Variants in COL14A1 observed in about 807,000 individuals in gnomAD.
COL14A1 encodes the protein collagen alpha-1(XIV) chain.
A neutral mutation model predicts 230.3 loss-of-function variants in COL14A1; 136 were observed. The ratio of observed to expected loss-of-function variants is 0.59; its 90% CI spans 0.51 to 0.68. COL14A1 has a LOEUF of 0.68. Among genes scored for constraint, COL14A1 ranks in the 30% least tolerant of loss-of-function variants. The pLI is 0.00. For synonymous variants in COL14A1, 792 were observed against 784.1 expected (o/e 1.01, Z -0.17); for missense variants, 1,976 against 2,215.8 (o/e 0.89, Z 2.17).
At chr8:120,328,642 A>C (rs539585817) in intron 40 of COL14A1, among the ~76,000 whole-genome samples, 4 of 152,338 alleles carry the variant, frequency 2.6e-5, no homozygotes, top group East Asian at 3.9e-4. Flanking sequence ...CATGATGTCC[A>C]TAAATCAAGT....
chr8:120,204,552 G>A (rs1158005052), intron 9 of COL14A1, among the ~76,000 whole-genome samples: 1 of 152,168 alleles, frequency 6.6e-6, no homozygotes, highest in Non-Finnish European at 1.5e-5. Context: ...ATGTGCCACA[G>A]TTTGTTTAAC....
chr8:120,280,068 A>G lies in COL14A1; in HGVS notation c.3615A>G (p.Leu1205=). The change falls in exon 29 of 48, where the codon TTA becomes TTG. Residue 1205 remains leucine (L), a synonymous_variant. Transcript: ENST00000297848. ...CCTTTAAGAAAATCGAAGATGAGTT[A>G]ATTACTTTTGTCTGCGAAACAGCAT... is the stretch of plus-strand genomic sequence containing the variant. ...FDAFKKIEDE[L]ITFVCETASA... 6.2e-7 allele frequency: 1 copy of G among 1,613,736 alleles called. No homozygotes were observed. Among genetic ancestry groups the G allele is most frequent in the Non-Finnish European group, 8.5e-7 (1 of 1,179,776 alleles).
At chr8:120,332,500 G>C (rs942911592) in intron 41 of COL14A1, among the ~76,000 whole-genome samples, 164 bp from the exon 42 acceptor site, 3 of 152,178 alleles carry the variant, frequency 2.0e-5, no homozygotes, top group Admixed American at 2.0e-4. Context: ...CTAAAAAAAA[G>C]TCTTCCCTCC....
intron 34 of COL14A1, among the ~76,000 whole-genome samples, chr8:120,294,434 C>CT (rs57256972): frequency 0.017 from 2,357 of 136,838 alleles, 19 homozygotes; most frequent in Middle Eastern, 0.026. Flanking sequence ...GTCTCTTCCT[C>CT]TTTTTTTTTT....
intron 34 of COL14A1, among the ~76,000 whole-genome samples, chr8:120,291,206 G>T (rs889700572): frequency 6.6e-5 from 10 of 152,218 alleles, no homozygotes; most frequent in Admixed American, 3.9e-4. Flanking sequence ...AGGATATCTT[G>T]TATGGATAAA....
rs1290519836 is a variant in COL14A1 at position 120,254,322 on chromosome 8, GT to G, written c.2753-917del. On this transcript the variant is annotated intron_variant, in intron 22 of 47. Transcript: ENST00000297848. ...AACAACAATTTTTGCATATCACAAT[GT>G]CTAAGATTAATAGGAACCTATGTAT... is the stretch of plus-strand genomic sequence containing the variant. Among the ~76,000 whole-genome samples the G allele has an allele frequency of 1.1e-4, 17 of 152,262 alleles. No homozygotes were observed. In the South Asian group the frequency reaches 1.5e-3, roughly 13 times the overall value.
intron 5 of COL14A1, among the ~76,000 whole-genome samples, chr8:120,171,485 G>A (rs1161507529): frequency 6.6e-6 from 1 of 152,072 alleles, no homozygotes; most frequent in Non-Finnish European, 1.5e-5. Context: ...AGTCACTATT[G>A]AGAGATTAGC....
At chr8:120,244,516 G>A (rs994992580) in intron 20 of COL14A1, among the ~76,000 whole-genome samples, 1 of 152,108 alleles carries the variant, frequency 6.6e-6, no homozygotes, top group African/African-American at 2.4e-5. Context: ...CCAATTGGTA[G>A]TCTCTTATCC....
At chr8:120,311,108 CAATT>C (rs1425395852) in intron 37 of COL14A1, among the ~76,000 whole-genome samples, 1 of 152,070 alleles carries the variant, frequency 6.6e-6, no homozygotes, top group Non-Finnish European at 1.5e-5. Context: ...AGGCTAAAGA[CAATT>C]AATCAGGTAC....
In COL14A1 at chr8:120,345,386, A is replaced by G. The variant is rs968340259; in HGVS notation, c.4900A>G (p.Arg1634Gly). The part of the protein sequence containing the change: ...CEQLIQSHMA[R>G]YTAILNQIPS... ...GCTTCATACCTCAGGTCACATGGCC[A>G]GGTACACTGCCATCCTCAACCAGAT... Residue 1634 changes from arginine to glycine, a missense_variant, in exon 45 of 48, where the codon AGG (arginine) becomes GGG (glycine). Transcript: ENST00000297848. 2.5e-6 allele frequency: 4 copies of G among 1,588,864 alleles called. No individual in the cohort carries two copies. In the African/African-American group the frequency reaches 5.5e-5, roughly 22 times the overall value.
chr8:120,212,688 AT>A, intron 13 of COL14A1, 111 bp downstream of exon 13: 1 of 1,149,824 alleles, frequency 8.7e-7, no homozygotes, highest in Middle Eastern at 2.1e-4. Context: ...GCTAATTATA[AT>A]TTTAAAAATC....
At chr8:120,141,222 A>G (rs1323687741) in intron 1 of COL14A1, among the ~76,000 whole-genome samples, 1 of 152,166 alleles carries the variant, frequency 6.6e-6, no homozygotes, top group Admixed American at 6.5e-5. Context: ...GGTATTGCTC[A>G]TCCTAACTTA....
At chr8:120,241,890 T>G (rs1289915486) in intron 19 of COL14A1, among the ~76,000 whole-genome samples, 1 of 152,156 alleles carries the variant, frequency 6.6e-6, no homozygotes, top group Non-Finnish European at 1.5e-5. Context: ...GTAGTGAAGA[T>G]TAAGTGAATT....
chr8:120,312,661 A>C (rs1327976450), intron 37 of COL14A1, among the ~76,000 whole-genome samples: 1 of 151,866 alleles, frequency 6.6e-6, no homozygotes, highest in Non-Finnish European at 1.5e-5. Context: ...ATTTTCAACT[A>C]CTCCAAAATC....
chr8:120,292,903 C>A (rs1040637477), intron 34 of COL14A1, among the ~76,000 whole-genome samples: 1 of 151,994 alleles, frequency 6.6e-6, no homozygotes, highest in Non-Finnish European at 1.5e-5. Context: ...ATAGAAATTA[C>A]GTTCTTAATA....
intron 13 of COL14A1, chr8:120,213,968 C>T (rs1157208051): frequency 9.6e-6 from 4 of 414,954 alleles, no homozygotes; most frequent in Admixed American, 2.9e-5. Context: ...CTAACTCCTA[C>T]AAGATCTTTA....
rs754922334 is a variant in COL14A1, at chr8:120,132,159, G to A, written c.-38+6819G>A. ...CACTGTGCCCAGCCGATATTTGCTAGGTTTTCTTCTAGGATTTTTTTATAA... is the reference window on the plus strand; with the variant it reads ...CACTGTGCCCAGCCGATATTTGCTAAGTTTTCTTCTAGGATTTTTTTATAA... On this transcript the variant is annotated intron_variant, in intron 1 of 47. Transcript: ENST00000297848. Among the ~76,000 whole-genome samples the A allele has an allele frequency of 5.3e-5, 8 of 151,952 alleles. No individual in the cohort carries two copies. In the Middle Eastern group the frequency reaches 0.01, roughly 194 times the overall value.
rs2130844211 is a variant in COL14A1, at chr8:120,240,808, T to C, written c.2350-3071T>C. On this transcript the variant is annotated intron_variant, in intron 19 of 47. Transcript: ENST00000297848. ...ATGAAATGTTTCTATACTTTCTAGA[T>C]ATAATTACATCTATCAAATACTTCT... Among the ~76,000 whole-genome samples, 3 of 152,358 alleles carry C rather than the reference T, an allele frequency of 2.0e-5. No individual in the cohort carries two copies. The Middle Eastern group carries it at 0.01, about 518-fold the overall frequency.
chr8:120,345,542 C>G lies in COL14A1; in HGVS notation c.5056C>G (p.Pro1686Ala). The G allele has an allele frequency of 6.4e-7, 1 of 1,555,860 alleles. No individual in the cohort carries two copies. Among genetic ancestry groups the G allele is most frequent in the South Asian group, 1.2e-5 (1 of 81,798 alleles). Residue 1686 changes from proline to alanine, a missense_variant, in exon 45 of 48, where the codon CCA (proline) becomes GCA (alanine). Coordinates refer to ENST00000297848, the MANE Select transcript of COL14A1 (RefSeq NM_021110.4). The stretch of plus-strand genomic sequence containing the variant: ...AGGCTTCCCCGGAAATGCAGGCGTG[C>G]CAGGGACCCCAGGAGAACGAGGTAA... ...TPGFPGNAGV[P>A]GTPGERGLTG...
Sources: gnomAD v4.1 joint callset for allele counts (sites outside exome capture counted in the v4.1 genomes callset) on GRCh38, gnomAD v4.1.1 for gene constraint, MANE v1.5 for transcripts, NCBI Gene and HGNC (gene_info 2026-07-23, HGNC 2026-07-21) for gene names.